Variants in SCLY observed in about 807,000 individuals in gnomAD.
SCLY encodes selenocysteine lyase, also known as putative selenocysteine lyase.
Under a neutral mutation model 50.1 loss-of-function variants are expected in SCLY, and 38 were observed. That is an observed-to-expected ratio of 0.76 (90% CI 0.59 to 0.99). The LOEUF (loss-of-function observed/expected upper bound fraction) is 0.99, where lower values mean the gene tolerates loss of function less well. Ranked by LOEUF, SCLY falls within the 50% of genes least tolerant of loss-of-function variation. The pLI is 0.00. For synonymous variants in SCLY, 243 were observed against 249.4 expected (o/e 0.97, Z 0.24); for missense variants, 600 against 620.0 (o/e 0.97, Z 0.34).
At chr2:238,095,584 C>T (rs11692968) in intron 10 of SCLY, 33,866 of 152,072 alleles carry the variant, frequency 0.22, 3,937 homozygotes, top group South Asian at 0.34. Context: ...GGCTGAAATG[C>T]GTTCTTGTGG....
Position 238,083,886 on chromosome 2 carries a change from A to G in SCLY, c.884+532A>G, listed in dbSNP as rs919969853. Reference sequence around the variant, plus strand: ...GTTTTCTTTTCACCTTGTGTATCCCACACTTAGTGCTGAAGAAGCCGGCAA... The same window carrying G: ...GTTTTCTTTTCACCTTGTGTATCCCGCACTTAGTGCTGAAGAAGCCGGCAA... On this transcript the variant is annotated intron_variant, in intron 7 of 11. Coordinates refer to ENST00000254663, the MANE Select transcript of SCLY (RefSeq NM_016510.7). This position sits in a 1 kb window ranked among gnomAD's most constrained non-coding sequence, Gnocchi z 4.3. Among the ~76,000 whole-genome samples, 4 of 152,176 alleles carry G rather than the reference A, an allele frequency of 2.6e-5. No individual in the cohort carries two copies. The highest frequency in any genetic ancestry group is 9.7e-5 in the African/African-American group (4 of 41,426).
chr2:238,076,424 C>A (rs559303699), intron 4 of SCLY, among the ~76,000 whole-genome samples: 2 of 152,148 alleles, frequency 1.3e-5, no homozygotes, highest in South Asian at 4.2e-4. Context: ...CATTTAAAGA[C>A]ATAAATTTCC....
At chr2:238,093,081 G>A (rs1310542051) in intron 8 of SCLY, 2 of 152,774 alleles carry the variant, frequency 1.3e-5, no homozygotes, top group Non-Finnish European at 2.9e-5. Flanking sequence ...TCCGGGGGAT[G>A]CCCTCAGTCC....
chr2:238,088,652 A>G (rs1456113510), intron 7 of SCLY, among the ~76,000 whole-genome samples: 1 of 152,232 alleles, frequency 6.6e-6, no homozygotes, highest in Non-Finnish European at 1.5e-5. Flanking sequence ...TACCATATTA[A>G]CAAGCTAATG....
chr2:238,085,679 A>G (rs2065288241), intron 7 of SCLY, among the ~76,000 whole-genome samples: 1 of 152,116 alleles, frequency 6.6e-6, no homozygotes, highest in Admixed American at 6.6e-5. Flanking sequence ...GTGAGCCGAG[A>G]TCGTGCCACT....
intron 4 of SCLY, among the ~76,000 whole-genome samples, chr2:238,074,416 A>G (rs1393008098): frequency 6.6e-6 from 1 of 151,978 alleles, no homozygotes; most frequent in Admixed American, 6.6e-5. Flanking sequence ...TGTACAGTTG[A>G]GTTTGTATGT....
intron 4 of SCLY, chr2:238,079,137 CA>C (rs1343293621): frequency 8.1e-6 from 1 of 124,206 alleles, no homozygotes; most frequent in Non-Finnish European, 1.6e-5. Flanking sequence ...TTTGGTGTCA[CA>C]ATCACAACTC....
At position 238,091,215 on chromosome 2, in the gene SCLY, C is replaced by G. The variant is rs2065358237; in HGVS notation, c.885-3C>G. The G allele has an allele frequency of 6.2e-7, 1 of 1,612,520 alleles. No homozygotes were observed. Among genetic ancestry groups the G allele is most frequent in the African/African-American group, 1.3e-5 (1 of 74,904 alleles). ...TTCTTGCTTAATCCCTTGTTTCTTA[C>G]AGGACAGAGAACACCCCAATGATTG... On this transcript the variant is annotated splice_polypyrimidine_tract_variant and splice_region_variant and intron_variant, in intron 7 of 11. Transcript: ENST00000254663.
intron 11 of SCLY, 156 bp from the exon 12 acceptor site, chr2:238,098,046 C>A: frequency 1.2e-6 from 1 of 808,346 alleles, no homozygotes. Context: ...TAGGGGTGTG[C>A]TTGGTCTGGG....
At chr2:238,088,339 G>A (rs2065322965) in intron 7 of SCLY, among the ~76,000 whole-genome samples, 2 of 152,110 alleles carry the variant, frequency 1.3e-5, no homozygotes, top group African/African-American at 4.8e-5. Context: ...GCAGACGCTT[G>A]TAATCCCAGC....
chr2:238,098,492 G>A lies in SCLY; in HGVS notation c.*137G>A, dbSNP rs532879703. ...CTGCATTTTGTCCTGGAGTGCCAGCGAGTGTGCACCCCCAGTTTCCTTCCC... is the reference window on the plus strand; with the variant it reads ...CTGCATTTTGTCCTGGAGTGCCAGCAAGTGTGCACCCCCAGTTTCCTTCCC... On this transcript the variant is annotated 3_prime_UTR_variant, in exon 12 of 12. Transcript: ENST00000254663. 9 of 1,002,494 alleles carry A rather than the reference G, an allele frequency of 9.0e-6. No homozygotes were observed. The Admixed American group carries it at 1.1e-4, about 13-fold the overall frequency. 62.1% of individuals were successfully genotyped at this position (1,002,494 alleles called of 1,614,324 possible). A position where few individuals can be genotyped will look rare whatever the true frequency, so the allele number is the denominator to read the frequency against.
chr2:238,081,847 C>T lies in SCLY; in HGVS notation c.612+11C>T, dbSNP rs377046128. The T allele has an allele frequency of 3.4e-5, 55 of 1,612,090 alleles. No homozygotes were observed. The African/African-American group carries it at 6.5e-4, about 19-fold the overall frequency. On this transcript the variant is annotated intron_variant, in intron 5 of 11. Coordinates refer to ENST00000254663, the MANE Select transcript of SCLY (RefSeq NM_016510.7). ...ACTGGCATTGTCATGGTGAGTCGGC[C>T]TTTGTTTCTCTTTAAGGAGAGCTCA...
chr2:238,061,396 C>T lies in SCLY; in HGVS notation c.89+253C>T, dbSNP rs1377431716. On this transcript the variant is annotated intron_variant, in intron 1 of 11. Coordinates refer to ENST00000254663, the MANE Select transcript of SCLY (RefSeq NM_016510.7). ...GAGTGACTTCCAGGGGTGAGGTTTG[C>T]AGGTTCTGGGGAAGCAGAGCCTGCC... The T allele has an allele frequency of 4.6e-6, 3 of 657,088 alleles. No homozygotes were observed. The South Asian group carries it at 4.6e-5, about 10-fold the overall frequency. The allele number at this position is 657,088 out of a possible 1,614,324, so 40.7% of individuals were successfully genotyped here. A position where few individuals can be genotyped will look rare whatever the true frequency, so the allele number is the denominator to read the frequency against.
At chr2:238,078,325 A>C (rs2065194365) in intron 4 of SCLY, among the ~76,000 whole-genome samples, 1 of 152,188 alleles carries the variant, frequency 6.6e-6, no homozygotes, top group African/African-American at 2.4e-5. Flanking sequence ...ACTTAATGTT[A>C]CTATTGACAT....
Position 238,090,844 on chromosome 2 carries a change from T to A in SCLY, c.885-374T>A, listed in dbSNP as rs115278926. ...TCTTGTTTGCTGATGCCTGAAATGTTGAGAACAAAGGGTTCTCCCCTGTTC... is the reference window on the plus strand; with the variant it reads ...TCTTGTTTGCTGATGCCTGAAATGTAGAGAACAAAGGGTTCTCCCCTGTTC... On this transcript the variant is annotated intron_variant, in intron 7 of 11. Coordinates refer to ENST00000254663, the MANE Select transcript of SCLY (RefSeq NM_016510.7). Among the ~76,000 whole-genome samples the A allele has an allele frequency of 3.9e-3, 597 of 152,302 alleles. 5 individuals carry two copies. The highest frequency in any genetic ancestry group is 0.014 in the African/African-American group (581 of 41,550).
chr2:238,094,287 C>T (rs2065401528), intron 9 of SCLY, 133 bp from the exon 10 acceptor site: 1 of 770,336 alleles, frequency 1.3e-6, no homozygotes, highest in African/African-American at 1.7e-5. Flanking sequence ...GTCCCCGTAA[C>T]TATTCTGGGT....
At position 238,068,003 on chromosome 2, in the gene SCLY, T is replaced by C. The variant is rs1203380693; in HGVS notation, c.203-62T>C. ...TATTCCTTTGTATTTGGTTGTCCTTTTAGATGCGTTGATTGAGCTTGGTGA... is the reference window on the plus strand; with the variant it reads ...TATTCCTTTGTATTTGGTTGTCCTTCTAGATGCGTTGATTGAGCTTGGTGA... On this transcript the variant is annotated intron_variant, in intron 2 of 11. Transcript: ENST00000254663. The C allele has an allele frequency of 5.6e-6, 7 of 1,255,524 alleles. No individual in the cohort carries two copies. The East Asian group carries it at 9.4e-5, about 17-fold the overall frequency. The allele number at this position is 1,255,524 out of a possible 1,614,324, so 77.8% of individuals were successfully genotyped here. A position where few individuals can be genotyped will look rare whatever the true frequency, so the allele number is the denominator to read the frequency against.
At chr2:238,061,421 C>T in intron 1 of SCLY, 1 of 606,486 alleles carries the variant, frequency 1.6e-6, no homozygotes, top group Non-Finnish European at 3.1e-6. Flanking sequence ...CAGAGCCTGC[C>T]AGGAAGAGGG....
At chr2:238,096,979 G>A in intron 11 of SCLY, 103 bp downstream of exon 11, 1 of 1,152,088 alleles carries the variant, frequency 8.7e-7, no homozygotes, top group Non-Finnish European at 1.2e-6. Flanking sequence ...ACTCTGGCTG[G>A]TGAAGGACAG....
Sources: gnomAD v4.1 joint callset for allele counts (sites outside exome capture counted in the v4.1 genomes callset) on GRCh38, gnomAD v4.1.1 for gene constraint, Gnocchi (gnomAD v3.1) non-coding constraint, MANE v1.5 for transcripts, NCBI Gene and HGNC (gene_info 2026-07-23, HGNC 2026-07-21) for gene names.